ZFYVE9: variants seen among roughly 807,000 people sequenced by gnomAD.
The protein encoded by ZFYVE9 is zinc finger FYVE-type containing 9.
A neutral mutation model predicts 126.7 loss-of-function variants in ZFYVE9; 43 were observed. The ratio of observed to expected loss-of-function variants is 0.34; its 90% confidence interval spans 0.27 to 0.44. ZFYVE9 has a LOEUF of 0.44. ZFYVE9 is among the 20% of genes least tolerant of loss of function. The pLI, the probability that ZFYVE9 is intolerant of heterozygous loss-of-function variation, is 1.00. For missense variants in ZFYVE9, 1,476 were observed against 1,697.0 expected (o/e 0.87, Z 2.29); for synonymous variants, 521 against 597.4 (o/e 0.87, Z 1.87).
Position 52,344,759 on chromosome 1 carries a change from G to C in ZFYVE9, c.3940-9G>C. On this transcript the variant is annotated splice_polypyrimidine_tract_variant and intron_variant, in intron 17 of 18. Coordinates refer to ENST00000287727, the MANE Select transcript of ZFYVE9 (RefSeq NM_004799.4). ...ACAAGTTTAAAAGTCTCTTTTGTTT[G>C]GGGAACAGGTGTTTTTCCTAGAAAA... 6.2e-7 allele frequency: 1 copy of C among 1,612,144 alleles called. No homozygotes were observed. Among genetic ancestry groups the C allele is most frequent in the African/African-American group, 1.3e-5 (1 of 74,948 alleles).
intron 3 of ZFYVE9, among the ~76,000 whole-genome samples, chr1:52,233,781 C>T (rs1039288526): frequency 1.3e-5 from 2 of 152,090 alleles, no homozygotes; most frequent in African/African-American, 4.8e-5. Context: ...AGATTCACTT[C>T]TTTTGTTTGT....
At chr1:52,211,055 G>A (rs1645024223) in intron 1 of ZFYVE9, among the ~76,000 whole-genome samples, 1 of 152,036 alleles carries the variant, frequency 6.6e-6, no homozygotes, top group African/African-American at 2.4e-5. Flanking sequence ...AGATTCATGG[G>A]GCAGATCACC....
intron 1 of ZFYVE9, chr1:52,179,760 A>G: frequency 2.3e-6 from 1 of 434,688 alleles, no homozygotes. Context: ...GAGTTTTAAA[A>G]AAGAGTGTTC....
intron 1 of ZFYVE9, among the ~76,000 whole-genome samples, chr1:52,151,453 G>A (rs1644355513): frequency 6.6e-6 from 1 of 151,580 alleles, no homozygotes; most frequent in Admixed American, 6.6e-5. Context: ...TGACTAGAAA[G>A]TCCACACTCT....
intron 1 of ZFYVE9, among the ~76,000 whole-genome samples, chr1:52,156,277 A>G (rs1189969171): frequency 6.6e-6 from 1 of 152,154 alleles, no homozygotes. Context: ...AACATACTAC[A>G]TCTAGCATGG....
chr1:52,278,717 A>AT, intron 9 of ZFYVE9, 103 bp downstream of exon 9: 2 of 825,368 alleles, frequency 2.4e-6, no homozygotes, highest in Non-Finnish European at 1.8e-6. Flanking sequence ...ATAGAGCCAC[A>AT]TCTTTTTTTT....
intron 1 of ZFYVE9, among the ~76,000 whole-genome samples, chr1:52,194,142 T>C (rs74739157): frequency 0.053 from 8,066 of 152,166 alleles, 232 homozygotes; most frequent in South Asian, 0.075. Context: ...TGGAAAGATA[T>C]CTAGGATATA....
chr1:52,263,927 C>T (rs760783113), intron 5 of ZFYVE9, 55 bp downstream of exon 5: 23 of 1,216,898 alleles, frequency 1.9e-5, no homozygotes, highest in Middle Eastern at 2.2e-4. Context: ...AAGGGAATTA[C>T]GATGAGAAGA....
At chr1:52,294,273 C>A (rs920347222) in intron 11 of ZFYVE9, among the ~76,000 whole-genome samples, 1 of 152,190 alleles carries the variant, frequency 6.6e-6, no homozygotes, top group African/African-American at 2.4e-5. Flanking sequence ...CACTTATGAG[C>A]TCTGTAACTT....
intron 1 of ZFYVE9, among the ~76,000 whole-genome samples, chr1:52,206,265 C>G (rs983086156): frequency 7.2e-5 from 11 of 152,170 alleles, no homozygotes; most frequent in African/African-American, 2.7e-4. Context: ...TCACACCAGG[C>G]TAATAAACTG....
At chr1:52,188,125 TC>T (rs1644781349) in intron 1 of ZFYVE9, among the ~76,000 whole-genome samples, 1 of 152,120 alleles carries the variant, frequency 6.6e-6, no homozygotes, top group Non-Finnish European at 1.5e-5. Context: ...GTACATATAC[TC>T]CATGGAATAC....
intron 1 of ZFYVE9, among the ~76,000 whole-genome samples, chr1:52,177,163 T>TG (rs2124533490): frequency 6.6e-6 from 1 of 151,796 alleles, no homozygotes; most frequent in East Asian, 1.9e-4. Flanking sequence ...TTTTTTTTTT[T>TG]TTTGAGACGG....
At chr1:52,203,904 C>G (rs1017485737) in intron 1 of ZFYVE9, among the ~76,000 whole-genome samples, 1 of 152,050 alleles carries the variant, frequency 6.6e-6, no homozygotes, top group Non-Finnish European at 1.5e-5. Context: ...TCTAGCATTT[C>G]TTTTTGGTTC....
At chr1:52,273,423 A>G (rs1286241230) in intron 7 of ZFYVE9, among the ~76,000 whole-genome samples, 2 of 152,230 alleles carry the variant, frequency 1.3e-5, no homozygotes, top group Non-Finnish European at 2.9e-5. Context: ...ATTTTAATAA[A>G]CATTTGAGCA....
intron 1 of ZFYVE9, among the ~76,000 whole-genome samples, chr1:52,161,937 C>CAA (rs760164661): frequency 7.6e-6 from 1 of 132,312 alleles, no homozygotes. Flanking sequence ...TTAGTAAAAG[C>CAA]AAAAAAAAAA....
At chr1:52,217,393 G>T (rs1645081874) in intron 2 of ZFYVE9, among the ~76,000 whole-genome samples, 1 of 152,170 alleles carries the variant, frequency 6.6e-6, no homozygotes, top group Non-Finnish European at 1.5e-5. Flanking sequence ...CTTTGAAGAG[G>T]AACTCAAGTC....
chr1:52,228,815 T>C (rs1645192668), intron 2 of ZFYVE9, among the ~76,000 whole-genome samples: 1 of 152,244 alleles, frequency 6.6e-6, no homozygotes, highest in South Asian at 2.1e-4. Context: ...GTGTGTTTTC[T>C]TGATCCAGAA....
At chr1:52,344,462 A>T (rs537191143) in intron 17 of ZFYVE9, among the ~76,000 whole-genome samples, 9 of 152,352 alleles carry the variant, frequency 5.9e-5, no homozygotes, top group African/African-American at 2.2e-4. Flanking sequence ...AGTGGCATAC[A>T]ATGCAAAATG....
intron 1 of ZFYVE9, among the ~76,000 whole-genome samples, chr1:52,158,534 C>CT (rs1644424619): frequency 6.6e-6 from 1 of 152,196 alleles, no homozygotes; most frequent in Non-Finnish European, 1.5e-5. Context: ...CGTAACCTGT[C>CT]TATCAGGCTT....
Sources: allele counts gnomAD v4.1 joint callset (sites outside exome capture counted in the v4.1 genomes callset), GRCh38; gene constraint gnomAD v4.1.1; transcripts MANE v1.5; gene names NCBI Gene and HGNC (gene_info 2026-07-23, HGNC 2026-07-21).